The following RAB11FIP4 variants were observed in gnomAD, a reference collection of about 807,000 sequenced individuals.
RAB11FIP4 encodes RAB11 family interacting protein 4.
In RAB11FIP4, 23 loss-of-function variants were observed where a neutral mutation model predicts 74.3. That is an observed-to-expected ratio of 0.31 (90% confidence interval 0.22 to 0.44). RAB11FIP4 has a LOEUF of 0.44. Ranked by LOEUF, RAB11FIP4 falls within the 20% of genes least tolerant of loss-of-function variation. The pLI, the probability that RAB11FIP4 is intolerant of heterozygous loss-of-function variation, is 1.00. For synonymous variants in RAB11FIP4, 360 were observed against 359.9 expected (o/e 1.00, Z 0.00); for missense variants, 630 against 863.9 (o/e 0.73, Z 3.39).
chr17:31,453,381 C>CAAAAAAAAAAAAAA (rs1567661112), intron 3 of RAB11FIP4, among the ~76,000 whole-genome samples: 1 of 85,828 alleles, frequency 1.2e-5, no homozygotes, highest in African/African-American at 4.7e-5. Context: ...AAAAAAAAAA[C>CAAAAAAAAAAAAAA]AAACCTGGGG....
intron 1 of RAB11FIP4, among the ~76,000 whole-genome samples, chr17:31,403,392 G>A (rs183463620): frequency 3.3e-5 from 5 of 151,324 alleles, no homozygotes; most frequent in African/African-American, 7.3e-5. Context: ...GCGCAATCTC[G>A]GCTCACTGCA....
intron 1 of RAB11FIP4, among the ~76,000 whole-genome samples, chr17:31,412,865 C>A (rs1363866870): frequency 6.6e-6 from 1 of 152,128 alleles, no homozygotes; most frequent in Non-Finnish European, 1.5e-5. Flanking sequence ...AGGAGCAGTA[C>A]CTGCCCCATT....
chr17:31,413,970 C>G (rs188540644), intron 1 of RAB11FIP4, among the ~76,000 whole-genome samples: 16 of 152,330 alleles, frequency 1.1e-4, no homozygotes, highest in Admixed American at 9.8e-4. Context: ...CACGGGTGTC[C>G]GCAGCTTCCT....
intron 7 of RAB11FIP4, chr17:31,523,172 C>A (rs950311667): frequency 1.3e-4 from 45 of 358,896 alleles, no homozygotes; most frequent in Non-Finnish European, 2.1e-4. Flanking sequence ...TTGGGGGCTT[C>A]CCCACTGGAA....
chr17:31,431,994 C>A, intron 2 of RAB11FIP4, 94 bp downstream of exon 2: 1 of 956,438 alleles, frequency 1.0e-6, no homozygotes, highest in Non-Finnish European at 1.6e-6. Context: ...GATTCCTCCC[C>A]ACAGGGGTCC....
In RAB11FIP4 at chr17:31,524,435, T is replaced by C. The variant is rs986477542; in HGVS notation, c.1133+439T>C. ...CTGCCGTTCCTGATGCTGTCTGCAG[T>C]GGTGGATTCAGGGTTTAGTTGTCCT... On this transcript the variant is annotated intron_variant, in intron 9 of 14. Transcript: ENST00000621161. 6 of 187,224 alleles carry C rather than the reference T, an allele frequency of 3.2e-5. No individual in the cohort carries two copies. In the South Asian group the frequency reaches 6.7e-4, roughly 21 times the overall value. 11.6% of individuals were successfully genotyped at this position (187,224 alleles called of 1,614,324 possible).
At chr17:31,420,358 G>A (rs373124849) in intron 1 of RAB11FIP4, among the ~76,000 whole-genome samples, 113 of 151,522 alleles carry the variant, frequency 7.5e-4, no homozygotes, top group Non-Finnish European at 1.3e-3. Context: ...ACCCAACCCC[G>A]GTAGCTGGGA....
intron 7 of RAB11FIP4, chr17:31,522,758 G>A (rs894628664): frequency 3.9e-5 from 12 of 309,492 alleles, no homozygotes; most frequent in African/African-American, 1.5e-4. Context: ...TCCTGCAGGC[G>A]GGGATCTGGG....
In RAB11FIP4 at chr17:31,528,474, C is replaced by G. The variant is rs760759709; in HGVS notation, c.1425C>G (p.Tyr475Ter). The G allele has an allele frequency of 1.9e-6, 3 of 1,613,648 alleles. No individual in the cohort carries two copies. Among genetic ancestry groups the G allele is most frequent in the African/African-American group, 1.3e-5 (1 of 74,960 alleles). The stretch of plus-strand genomic sequence containing the variant: ...GGCTCAAAGATGAGATGGACCTGTA[C>G]AAGCGCATGATGGACAAGCTGCGAC... ...SLRLKDEMDL[Y>*]KRMMDKLRQN... The change falls in exon 12 of 15, where the codon TAC becomes TAG. Residue 475 changes from tyrosine to a stop codon, truncating the protein, a stop_gained. Transcript: ENST00000621161. LOFTEE classifies it high-confidence loss of function.
intron 1 of RAB11FIP4, among the ~76,000 whole-genome samples, chr17:31,417,088 T>G (rs990273288): frequency 3.3e-5 from 5 of 151,284 alleles, no homozygotes; most frequent in African/African-American, 1.2e-4. Context: ...CCTCTCCTGT[T>G]CCCTCTTGCT....
chr17:31,496,830 T>C (rs919681266), intron 3 of RAB11FIP4, among the ~76,000 whole-genome samples: 2 of 152,218 alleles, frequency 1.3e-5, no homozygotes, highest in African/African-American at 4.8e-5. Context: ...TCCACTCCAG[T>C]GCACAGTGTT....
intron 3 of RAB11FIP4, among the ~76,000 whole-genome samples, chr17:31,449,891 C>T (rs772214006): frequency 1.3e-5 from 2 of 152,172 alleles, no homozygotes; most frequent in African/African-American, 2.4e-5. Context: ...TCTCACTGGC[C>T]AAATCCAAGC....
chr17:31,514,242 A>G (rs1187860804), intron 3 of RAB11FIP4, among the ~76,000 whole-genome samples: 1 of 152,160 alleles, frequency 6.6e-6, no homozygotes, highest in East Asian at 1.9e-4. Flanking sequence ...GTTGGGTGAG[A>G]GGGCCCGGTG....
At chr17:31,484,541 T>C (rs2071882780) in intron 3 of RAB11FIP4, among the ~76,000 whole-genome samples, 1 of 152,280 alleles carries the variant, frequency 6.6e-6, no homozygotes, top group South Asian at 2.1e-4. Flanking sequence ...CCAAGGACAC[T>C]GAATCCTAGC....
intron 3 of RAB11FIP4, among the ~76,000 whole-genome samples, chr17:31,472,239 G>A (rs2071744548): frequency 6.6e-6 from 1 of 151,978 alleles, no homozygotes; most frequent in African/African-American, 2.4e-5. Context: ...GACCTTGGCT[G>A]AGCACCGCCC....
At chr17:31,507,842 C>T (rs1377242482) in intron 3 of RAB11FIP4, among the ~76,000 whole-genome samples, 2 of 150,792 alleles carry the variant, frequency 1.3e-5, no homozygotes, top group Admixed American at 6.6e-5. Flanking sequence ...TTTATTTTAA[C>T]TAATTTATTT....
chr17:31,451,002 A>G (rs1307071263), intron 3 of RAB11FIP4, among the ~76,000 whole-genome samples: 6 of 152,038 alleles, frequency 3.9e-5, no homozygotes, highest in East Asian at 1.9e-4. Context: ...ATCACAGCCT[A>G]ATGGTTTTAC....
intron 3 of RAB11FIP4, among the ~76,000 whole-genome samples, chr17:31,442,775 C>T (rs8080058): frequency 0.093 from 14,123 of 152,072 alleles, 1,110 homozygotes; most frequent in East Asian, 0.32. Flanking sequence ...GCCTGACCAA[C>T]GTGGTGAAAC....
chr17:31,456,904 A>G (rs569130019), intron 3 of RAB11FIP4, among the ~76,000 whole-genome samples: 1 of 152,254 alleles, frequency 6.6e-6, no homozygotes, highest in Admixed American at 6.5e-5. Context: ...AGTGGGAGAG[A>G]GCACTGACCA....
Sources: allele counts gnomAD v4.1 joint callset (sites outside exome capture counted in the v4.1 genomes callset), GRCh38; gene constraint gnomAD v4.1.1; transcripts MANE v1.5; gene names NCBI Gene and HGNC (gene_info 2026-07-23, HGNC 2026-07-21).